Variants in SYCP1 observed in about 807,000 individuals in gnomAD.
SYCP1 encodes the protein cancer/testis antigen 8.
Under a neutral mutation model 153.1 loss-of-function variants are expected in SYCP1, and 64 were observed. The observed-to-expected ratio is 0.42, with a 90% CI of 0.34 to 0.51. The LOEUF is 0.51. Ranked by LOEUF, SYCP1 falls within the 20% of genes least tolerant of loss-of-function variation. SYCP1 has a pLI of 0.06. For missense variants in SYCP1, 997 were observed against 1,049.0 expected, an observed-to-expected ratio of 0.95 and a Z score of 0.68; for synonymous variants, 384 against 341.8, an observed-to-expected ratio of 1.12 and a Z score of -1.36.
rs746362896 is a variant in SYCP1, at chr1:114,878,097, T to A, written c.805T>A (p.Ser269Thr). The stretch of plus-strand genomic sequence containing the variant: ...ATGTATTATTTAAATATTTTAGGTA[T>A]CACTACTATTGATCCAAATCACTGA... ...KEINDKEKQV[S>T]LLLIQITEKE... Residue 269 changes from serine to threonine, a missense_variant, in exon 12 of 32, where the codon TCA becomes ACA. Physicochemically the swap from Ser to Thr is moderately conservative, Grantham distance 58. Coordinates refer to ENST00000369522, the MANE Select transcript of SYCP1 (RefSeq NM_003176.4). 2 of 1,504,656 alleles carry A rather than the reference T, an allele frequency of 1.3e-6. No individual in the cohort carries two copies. The allele number at this position is 1,504,656 out of a possible 1,614,324, so 93.2% of individuals were successfully genotyped here. A position where few individuals can be genotyped will look rare whatever the true frequency, so the allele number is the denominator to read the frequency against.
At chr1:114,928,620 G>C (rs936379731) in intron 23 of SYCP1, among the ~76,000 whole-genome samples, 1 of 152,036 alleles carries the variant, frequency 6.6e-6, no homozygotes, top group African/African-American at 2.4e-5. Context: ...ATTTTAAAAC[G>C]GTATATATGG....
chr1:114,864,159 G>A (rs555723627), intron 8 of SYCP1, among the ~76,000 whole-genome samples: 1 of 151,988 alleles, frequency 6.6e-6, no homozygotes, highest in South Asian at 2.1e-4. Context: ...ACAGTCTAGT[G>A]AGGGGAGAGG....
chr1:114,865,671 T>G (rs1664694897), intron 8 of SYCP1, among the ~76,000 whole-genome samples: 1 of 152,164 alleles, frequency 6.6e-6, no homozygotes, highest in East Asian at 1.9e-4. Context: ...GGCATGTTTG[T>G]TACAATTGAT....
At chr1:114,988,250 G>A (rs1673672194) in intron 30 of SYCP1, among the ~76,000 whole-genome samples, 1 of 151,366 alleles carries the variant, frequency 6.6e-6, no homozygotes, top group Non-Finnish European at 1.5e-5. Context: ...AGAGAGAGAG[G>A]TGGAAAGAGT....
intron 30 of SYCP1, among the ~76,000 whole-genome samples, chr1:114,987,199 A>C (rs1380286422): frequency 6.6e-6 from 1 of 152,038 alleles, no homozygotes; most frequent in East Asian, 1.9e-4. Context: ...TTAAGCAAAG[A>C]GGCTTAAAAA....
chr1:114,874,452 C>A, intron 8 of SYCP1, 54 bp from the exon 9 acceptor site: 1 of 1,077,626 alleles, frequency 9.3e-7, no homozygotes, highest in Non-Finnish European at 1.4e-6. Flanking sequence ...TGAGTATTGT[C>A]TTGTTGACAT....
intron 23 of SYCP1, among the ~76,000 whole-genome samples, chr1:114,939,963 A>G (rs918799503): frequency 2.6e-5 from 4 of 152,116 alleles, no homozygotes; most frequent in Admixed American, 2.6e-4. Context: ...TACATTTTCT[A>G]CAGTTTCAGA....
At chr1:114,912,882 G>C (rs1344989598) in intron 18 of SYCP1, 151 bp from the exon 19 acceptor site, 1 of 586,934 alleles carries the variant, frequency 1.7e-6, no homozygotes, top group African/African-American at 1.9e-5. Flanking sequence ...CTATCACCCA[G>C]CTTCAGGAAT....
intron 27 of SYCP1, among the ~76,000 whole-genome samples, chr1:114,975,101 T>A (rs2101926382): frequency 6.6e-6 from 1 of 152,034 alleles, no homozygotes; most frequent in South Asian, 2.1e-4. Context: ...ATTTTTAATA[T>A]GCCTGTTGGA....
intron 27 of SYCP1, among the ~76,000 whole-genome samples, chr1:114,951,762 A>G (rs1350992351): frequency 2.0e-5 from 3 of 152,194 alleles, no homozygotes; most frequent in African/African-American, 7.2e-5. Flanking sequence ...TTCCATCTCC[A>G]TAAAGATTCC....
chr1:114,986,483 TAA>T (rs1673513229), intron 30 of SYCP1, among the ~76,000 whole-genome samples: 1 of 151,994 alleles, frequency 6.6e-6, no homozygotes, highest in Admixed American at 6.6e-5. Context: ...ATTTCATTTC[TAA>T]AAGGAGCATC....
intron 16 of SYCP1, among the ~76,000 whole-genome samples, chr1:114,900,751 G>A (rs1356335459): frequency 6.6e-6 from 1 of 152,172 alleles, no homozygotes; most frequent in African/African-American, 2.4e-5. Flanking sequence ...GCTAAGGTTT[G>A]ACTTCTTCCT....
At chr1:114,927,877 G>C (rs1266783487) in intron 23 of SYCP1, among the ~76,000 whole-genome samples, 2 of 152,196 alleles carry the variant, frequency 1.3e-5, no homozygotes, top group Non-Finnish European at 2.9e-5. Context: ...GGAGTGTGCA[G>C]TGGAGTGATC....
chr1:114,995,119 A>G lies in SYCP1; in HGVS notation c.*100A>G, dbSNP rs771384207. ...AGCCAAATTTTATCTGGAAGTTGAG[A>G]CTTAAAAAATACTTGCATGAATGAT... On this transcript the variant is annotated 3_prime_UTR_variant, in exon 32 of 32. Transcript: ENST00000369522. 1 of 1,200,268 alleles carries G rather than the reference A, an allele frequency of 8.3e-7. No individual in the cohort carries two copies. The highest frequency in any genetic ancestry group is 1.1e-6 in the Non-Finnish European group (1 of 888,954). The allele number at this position is 1,200,268 out of a possible 1,614,324, so 74.4% of individuals were successfully genotyped here.
intron 8 of SYCP1, among the ~76,000 whole-genome samples, chr1:114,869,601 A>G (rs1288635413): frequency 1.3e-5 from 2 of 152,200 alleles, no homozygotes; most frequent in East Asian, 3.8e-4. Flanking sequence ...AAAATCCCAA[A>G]TCTAAAATAC....
chr1:114,905,186 G>T (rs1330718023), intron 16 of SYCP1, among the ~76,000 whole-genome samples: 1 of 152,138 alleles, frequency 6.6e-6, no homozygotes, highest in Non-Finnish European at 1.5e-5. Flanking sequence ...ACAAAGTAAT[G>T]CTGGCTTTGT....
intron 23 of SYCP1, among the ~76,000 whole-genome samples, chr1:114,937,470 A>C (rs1439757391): frequency 2.0e-5 from 3 of 152,244 alleles, no homozygotes; most frequent in Non-Finnish European, 4.4e-5. Context: ...GATACCATTC[A>C]GGACATAGGC....
intron 23 of SYCP1, among the ~76,000 whole-genome samples, chr1:114,936,500 G>T (rs1356035868): frequency 6.6e-6 from 1 of 152,128 alleles, no homozygotes; most frequent in Non-Finnish European, 1.5e-5. Context: ...CACAAGACAG[G>T]GATGCCCTCT....
At chr1:114,927,817 C>T (rs1669356263) in intron 23 of SYCP1, among the ~76,000 whole-genome samples, 1 of 151,920 alleles carries the variant, frequency 6.6e-6, no homozygotes, top group Admixed American at 6.6e-5. Flanking sequence ...GAGAATAGGG[C>T]AAATAAAATT....
Sources: allele counts gnomAD v4.1 joint callset (sites outside exome capture counted in the v4.1 genomes callset), GRCh38; gene constraint gnomAD v4.1.1; transcripts MANE v1.5; gene names NCBI Gene and HGNC (gene_info 2026-07-23, HGNC 2026-07-21).